RBFOX1: variants seen among roughly 807,000 people sequenced by gnomAD.
The protein encoded by RBFOX1 is RNA binding fox-1 homolog 1.
In RBFOX1, 8 loss-of-function variants were observed where a neutral mutation model predicts 57.7. The observed-to-expected ratio is 0.14, with a 90% confidence interval of 0.08 to 0.25. RBFOX1 has a LOEUF of 0.25. RBFOX1 is among the 10% of genes least tolerant of loss of function. RBFOX1 has a pLI of 1.00. For missense variants in RBFOX1, 611 were observed against 548.5 expected (o/e 1.11, Z -1.14); for synonymous variants, 326 against 222.4 (o/e 1.47, Z -4.15).
At chr16:5,851,020 G>C (rs1006453208) in intron 3 of RBFOX1, among the ~76,000 whole-genome samples, 17 of 152,186 alleles carry the variant, frequency 1.1e-4, no homozygotes, top group African/African-American at 3.9e-4. Context: ...AACTTGCCTT[G>C]TTGATTCCAG....
intron 4 of RBFOX1, among the ~76,000 whole-genome samples, chr16:7,278,267 G>A (rs1323916623): frequency 1.3e-5 from 2 of 152,172 alleles, no homozygotes; most frequent in African/African-American, 2.4e-5. Context: ...TGAATTGCAA[G>A]TATACCAGCT....
At chr16:7,120,215 G>C (rs927213083) in intron 4 of RBFOX1, among the ~76,000 whole-genome samples, 8 of 152,002 alleles carry the variant, frequency 5.3e-5, no homozygotes, top group African/African-American at 1.9e-4. Context: ...ATAATGCTAA[G>C]TGCTTCTATT....
intron 3 of RBFOX1, among the ~76,000 whole-genome samples, chr16:6,853,117 A>G (rs2094158658): frequency 6.6e-6 from 1 of 152,002 alleles, no homozygotes; most frequent in East Asian, 1.9e-4. Context: ...ATACTACCTA[A>G]TGATTGTGCG....
At chr16:6,941,309 TCC>T (rs2078453631) in intron 3 of RBFOX1, among the ~76,000 whole-genome samples, 1 of 33,568 alleles carries the variant, frequency 3.0e-5, no homozygotes, top group Non-Finnish European at 7.7e-5. Context: ...CCTCCTTCCT[TCC>T]TTCCTTCCTT....
chr16:5,255,322 T>TTCCTTCCATCCATCCATCCA (rs2062557812), intron 1 of RBFOX1, among the ~76,000 whole-genome samples: 4 of 119,372 alleles, frequency 3.4e-5, no homozygotes, highest in Non-Finnish European at 7.1e-5. Flanking sequence ...CCACACTTCC[T>TTCCTTCCATCCATCCATCCA]TCCATCCATC....
intron 4 of RBFOX1, among the ~76,000 whole-genome samples, chr16:5,976,138 C>T (rs1359723248): frequency 1.3e-5 from 2 of 151,932 alleles, no homozygotes; most frequent in African/African-American, 4.8e-5. Context: ...GAGTGAGATT[C>T]AATCTCAAAA....
intron 2 of RBFOX1, among the ~76,000 whole-genome samples, chr16:5,544,174 TG>T (rs1315682821): frequency 1.3e-5 from 2 of 152,180 alleles, no homozygotes; most frequent in Admixed American, 1.3e-4. Flanking sequence ...AATTATTTTC[TG>T]GGCCATTAAA....
rs144628481 is a variant in RBFOX1, at chr16:6,752,151, C to T, written c.-16+97501C>T. On this transcript the variant is annotated intron_variant, in intron 3 of 15. Transcript: ENST00000550418. ...CGAGTGTTTTGCATTCCATTAGTTT[C>T]AAAGTACAGCCTTAGTAGTCTGCAT... Among the ~76,000 whole-genome samples the T allele has an allele frequency of 2.6e-5, 4 of 152,274 alleles. No individual in the cohort carries two copies. In the South Asian group the frequency reaches 8.3e-4, roughly 32 times the overall value.
At chr16:7,106,936 G>A (rs536969592) in intron 4 of RBFOX1, among the ~76,000 whole-genome samples, 15 of 148,848 alleles carry the variant, frequency 1.0e-4, no homozygotes, top group South Asian at 2.2e-4. Context: ...ACATGGACAC[G>A]TCCCTAATCC....
chr16:7,677,263 C>T (rs1259655725), intron 14 of RBFOX1, among the ~76,000 whole-genome samples: 1 of 152,008 alleles, frequency 6.6e-6, no homozygotes, highest in African/African-American at 2.4e-5. Context: ...AATTTCAAGC[C>T]CCTTTCCTTT....
chr16:7,140,017 A>G (rs2073237333), intron 4 of RBFOX1, among the ~76,000 whole-genome samples: 1 of 152,240 alleles, frequency 6.6e-6, no homozygotes, highest in African/African-American at 2.4e-5. Flanking sequence ...ACACCTGGAA[A>G]AAGATAGCTG....
downstream of RBFOX1, among the ~76,000 whole-genome samples, chr16:5,602,191 G>T (rs1475082377): frequency 1.3e-5 from 2 of 152,210 alleles, no homozygotes; most frequent in African/African-American, 4.8e-5. Context: ...GACCTCTACT[G>T]GAGGCAGCAT....
intron 14 of RBFOX1, among the ~76,000 whole-genome samples, chr16:7,700,830 C>T (rs550846814): frequency 6.6e-6 from 1 of 151,794 alleles, no homozygotes; most frequent in East Asian, 2.0e-4. Context: ...AAGAGGTTTT[C>T]AGAATAGGAA....
chr16:6,192,034 C>A (rs1055473244), intron 1 of RBFOX1, among the ~76,000 whole-genome samples: 1 of 152,186 alleles, frequency 6.6e-6, no homozygotes, highest in African/African-American at 2.4e-5. Flanking sequence ...TAGAACATTT[C>A]TGTTACTTCT....
At chr16:6,730,050 C>G (rs1438124608) in intron 3 of RBFOX1, among the ~76,000 whole-genome samples, 5 of 152,086 alleles carry the variant, frequency 3.3e-5, no homozygotes, top group Non-Finnish European at 5.9e-5. Context: ...TGGAGATAAT[C>G]TTGATGTTCT....
chr16:7,498,679 T>C (rs1407135059), intron 4 of RBFOX1, among the ~76,000 whole-genome samples: 1 of 152,180 alleles, frequency 6.6e-6, no homozygotes, highest in Non-Finnish European at 1.5e-5. Flanking sequence ...GCAGTTGCCA[T>C]GTACAGTACG....
At chr16:5,248,815 C>G (rs192081660) in intron 1 of RBFOX1, among the ~76,000 whole-genome samples, 133 of 152,146 alleles carry the variant, frequency 8.7e-4, no homozygotes, top group African/African-American at 3.0e-3. Context: ...ATGTTGAAAG[C>G]CTGTCTCTAA....
intron 1 of RBFOX1, among the ~76,000 whole-genome samples, chr16:5,308,561 C>T (rs955462537): frequency 2.6e-5 from 4 of 152,068 alleles, no homozygotes; most frequent in Non-Finnish European, 5.9e-5. Flanking sequence ...CCCATGTCTC[C>T]CCTTCCTTTA....
At chr16:7,296,548 T>C (rs1485712060) in intron 4 of RBFOX1, among the ~76,000 whole-genome samples, 2 of 152,188 alleles carry the variant, frequency 1.3e-5, no homozygotes, top group Non-Finnish European at 2.9e-5. Flanking sequence ...AGGCTCGGAA[T>C]GGTTAGCTCA....
Sources: gnomAD v4.1 joint callset for allele counts (sites outside exome capture counted in the v4.1 genomes callset) on GRCh38, gnomAD v4.1.1 for gene constraint, MANE v1.5 for transcripts, NCBI Gene and HGNC (gene_info 2026-07-23, HGNC 2026-07-21) for gene names.